The following CFAP299 variants were observed in gnomAD, a reference collection of about 807,000 sequenced individuals.
CFAP299 encodes the protein cilia- and flagella-associated protein 299.
A neutral mutation model predicts 27.0 loss-of-function variants in CFAP299; 21 were observed. That is an observed-to-expected ratio of 0.78 (90% CI 0.55 to 1.12). CFAP299 has a LOEUF of 1.12. Ranked by LOEUF, CFAP299 falls within the 50% of genes most tolerant of loss-of-function variation. The pLI is 0.00. For missense variants in CFAP299, 310 were observed against 276.6 expected (o/e 1.12, Z -0.86); for synonymous variants, 104 against 98.1 (o/e 1.06, Z -0.36).
intron 5 of CFAP299, among the ~76,000 whole-genome samples, chr4:80,947,896 A>C (rs1196485386): frequency 1.3e-5 from 2 of 152,190 alleles, no homozygotes; most frequent in Non-Finnish European, 2.9e-5. Context: ...AAATAAGCAA[A>C]ATAAATATCT....
At chr4:80,396,424 A>G (rs982751128) in intron 2 of CFAP299, among the ~76,000 whole-genome samples, 5 of 152,302 alleles carry the variant, frequency 3.3e-5, no homozygotes, top group South Asian at 4.1e-4. Context: ...GTGTAATGAG[A>G]TAATACATTT....
intron 3 of CFAP299, among the ~76,000 whole-genome samples, chr4:80,636,158 C>A (rs760181932): frequency 2.6e-5 from 4 of 152,100 alleles, no homozygotes; most frequent in African/African-American, 4.8e-5. Context: ...AACCTTCCTC[C>A]TTCTTTAGAA....
chr4:80,689,543 T>C (rs180822234), intron 3 of CFAP299, among the ~76,000 whole-genome samples: 6 of 151,946 alleles, frequency 3.9e-5, no homozygotes, highest in Admixed American at 2.6e-4. Context: ...CTGAAGGAAG[T>C]GCTAAACATG....
At chr4:80,389,495 A>C (rs1578387372) in intron 2 of CFAP299, among the ~76,000 whole-genome samples, 1 of 152,216 alleles carries the variant, frequency 6.6e-6, no homozygotes, top group Non-Finnish European at 1.5e-5. Context: ...ACCTGTGCTT[A>C]CAGTGGCCAA....
chr4:80,338,108 A>T (rs976208979), intron 1 of CFAP299, among the ~76,000 whole-genome samples: 1 of 152,166 alleles, frequency 6.6e-6, no homozygotes, highest in East Asian at 1.9e-4. Context: ...TCTCTCTCTC[A>T]CACACATCAT....
intron 3 of CFAP299, among the ~76,000 whole-genome samples, chr4:80,631,847 C>A (rs1029854043): frequency 8.8e-5 from 10 of 113,730 alleles, no homozygotes; most frequent in African/African-American, 2.7e-4. Context: ...GGCTATCAGT[C>A]TGAATATTTG....
intron 1 of CFAP299, among the ~76,000 whole-genome samples, chr4:80,343,053 A>C (rs552565927): frequency 2.6e-4 from 40 of 152,224 alleles, no homozygotes; most frequent in Non-Finnish European, 5.7e-4. Context: ...AGACTTTAAA[A>C]CAACAAAGAT....
At chr4:80,888,507 C>G (rs923690677) in intron 4 of CFAP299, among the ~76,000 whole-genome samples, 5 of 151,918 alleles carry the variant, frequency 3.3e-5, no homozygotes, top group African/African-American at 1.2e-4. Context: ...AGATAGATCC[C>G]AATACAATAA....
intron 3 of CFAP299, among the ~76,000 whole-genome samples, chr4:80,584,174 G>T (rs1736315997): frequency 6.6e-6 from 1 of 152,016 alleles, no homozygotes; most frequent in Non-Finnish European, 1.5e-5. Context: ...CTAGACTTTG[G>T]ACAGCTTTAG....
intron 4 of CFAP299, among the ~76,000 whole-genome samples, chr4:80,907,197 C>T (rs1008492524): frequency 7.9e-5 from 12 of 152,170 alleles, no homozygotes; most frequent in Admixed American, 7.9e-4. Flanking sequence ...CTTCAGTTCC[C>T]AACAAGTTTC....
At chr4:80,574,502 TACAGTGGAGA>T (rs1735749888) in intron 2 of CFAP299, among the ~76,000 whole-genome samples, 1 of 152,098 alleles carries the variant, frequency 6.6e-6, no homozygotes, top group Admixed American at 6.6e-5. Flanking sequence ...CTATGTGGAG[TACAGTGGAGA>T]AAGTGGGCAT....
intron 3 of CFAP299, among the ~76,000 whole-genome samples, chr4:80,840,710 A>G (rs1016413071): frequency 2.0e-5 from 3 of 152,112 alleles, no homozygotes; most frequent in African/African-American, 7.2e-5. Flanking sequence ...TGAGCAAAGG[A>G]AGGAGAGGAT....
chr4:80,814,464 A>G (rs1729319511), intron 3 of CFAP299, among the ~76,000 whole-genome samples: 2 of 151,992 alleles, frequency 1.3e-5, no homozygotes, highest in South Asian at 2.1e-4. Flanking sequence ...AGTTTCAGTG[A>G]AAGGAGGATA....
intron 3 of CFAP299, among the ~76,000 whole-genome samples, chr4:80,701,051 A>G (rs1189059148): frequency 6.6e-6 from 1 of 152,008 alleles, no homozygotes; most frequent in African/African-American, 2.4e-5. Flanking sequence ...GTGGCCTTGA[A>G]CCAAGTACTG....
chr4:80,682,207 A>T (rs1342380201), intron 3 of CFAP299, among the ~76,000 whole-genome samples: 1 of 152,192 alleles, frequency 6.6e-6, no homozygotes, highest in East Asian at 1.9e-4. Flanking sequence ...ATGGTAATTC[A>T]AATTCATGCT....
At chr4:80,396,238 T>C (rs1725784099) in intron 2 of CFAP299, among the ~76,000 whole-genome samples, 3 of 152,168 alleles carry the variant, frequency 2.0e-5, no homozygotes, top group Non-Finnish European at 4.4e-5. Flanking sequence ...GTCCTTTGCC[T>C]CTTTTAGAGT....
At chr4:80,387,683 C>T (rs576253631) in intron 2 of CFAP299, 1 of 1,572,500 alleles carries the variant, frequency 6.4e-7, no homozygotes, top group South Asian at 1.1e-5. Flanking sequence ...GACTTCTGGG[C>T]AAAGGCATGG....
intron 4 of CFAP299, among the ~76,000 whole-genome samples, chr4:80,920,376 G>T (rs1380541722): frequency 6.6e-6 from 1 of 152,128 alleles, no homozygotes; most frequent in Non-Finnish European, 1.5e-5. Flanking sequence ...GGGCCAGATT[G>T]TAGTGTCAGC....
In CFAP299 at chr4:80,944,946, C is replaced by T. The variant is rs776120582; in HGVS notation, c.606+7C>T. ...TCTTAATGTGGACCCAAAGGTAATT[C>T]TTCTTTTACACTTAGTTAGTTACCT... On this transcript the variant is annotated splice_region_variant and intron_variant, in intron 5 of 5. Coordinates refer to ENST00000358105, the MANE Select transcript of CFAP299 (RefSeq NM_152770.3). 1.9e-6 allele frequency: 3 copies of T among 1,608,480 alleles called. No homozygotes were observed. Among genetic ancestry groups the T allele is most frequent in the Non-Finnish European group, 2.5e-6 (3 of 1,176,774 alleles).
Sources: gnomAD v4.1 joint callset for allele counts (sites outside exome capture counted in the v4.1 genomes callset) on GRCh38, gnomAD v4.1.1 for gene constraint, MANE v1.5 for transcripts, NCBI Gene and HGNC (gene_info 2026-07-23, HGNC 2026-07-21) for gene names.